Variants in EIF4B observed in about 807,000 individuals in gnomAD.
The protein encoded by EIF4B is eukaryotic translation initiation factor 4B.
Under a neutral mutation model 79.3 loss-of-function variants are expected in EIF4B, and 8 were observed. That is an observed-to-expected ratio of 0.10 (90% CI 0.06 to 0.18). The LOEUF (loss-of-function observed/expected upper bound fraction) is 0.18, where lower values mean the gene tolerates loss of function less well. Among genes scored for constraint, EIF4B ranks in the 10% least tolerant of loss-of-function variants. The pLI, the probability that EIF4B is intolerant of heterozygous loss-of-function variation, is 1.00. For synonymous variants in EIF4B, 238 were observed against 274.7 expected (o/e 0.87, Z 1.32); for missense variants, 515 against 792.4 (o/e 0.65, Z 4.20).
intron 12 of EIF4B, chr12:53,039,015 A>G (rs774044907): frequency 1.4e-5 from 6 of 429,864 alleles, no homozygotes; most frequent in Non-Finnish European, 2.5e-5. Context: ...ATGATGGCAT[A>G]TCCCTACATG....
chr12:53,035,202 G>T (rs1470852728), intron 10 of EIF4B, among the ~76,000 whole-genome samples: 2 of 150,806 alleles, frequency 1.3e-5, no homozygotes, highest in Non-Finnish European at 3.0e-5. Context: ...ACCATGATGT[G>T]TTTTTTTTGT....
rs762173035 is a variant in EIF4B at position 53,038,383 on chromosome 12, A to G, written c.1548A>G (p.Gln516=). Reference sequence around the variant, plus strand: ...GTGGGGGAAAAGTAGCTCCAGCTCAACCATCTGAGGAAGGACCAGGAAGGA... The same window carrying G: ...GTGGGGGAAAAGTAGCTCCAGCTCAGCCATCTGAGGAAGGACCAGGAAGGA... ...TSGGGKVAPA[Q]PSEEGPGRKD... Residue 516 remains glutamine (Q), a synonymous_variant, in exon 12 of 15, where the codon CAA becomes CAG. Transcript: ENST00000262056. 1.2e-6 allele frequency: 2 copies of G among 1,602,148 alleles called. No individual in the cohort carries two copies. The highest frequency in any genetic ancestry group is 1.7e-4 in the Middle Eastern group (1 of 6,036).
At chr12:53,035,554 G>A (rs929001442) in intron 10 of EIF4B, among the ~76,000 whole-genome samples, 3 of 151,806 alleles carry the variant, frequency 2.0e-5, no homozygotes, top group Non-Finnish European at 4.4e-5. Flanking sequence ...ATTTTTAGTA[G>A]AGATGGGGTT....
chr12:53,007,572 TAATGGGCTTA>T (rs930151470), intron 1 of EIF4B, among the ~76,000 whole-genome samples: 9 of 152,112 alleles, frequency 5.9e-5, no homozygotes, highest in African/African-American at 2.2e-4. Flanking sequence ...ATTACATTTC[TAATGGGCTTA>T]TAAAAGCAGT....
intron 8 of EIF4B, among the ~76,000 whole-genome samples, chr12:53,031,932 G>T (rs1365532175): frequency 6.6e-6 from 1 of 152,104 alleles, no homozygotes; most frequent in Non-Finnish European, 1.5e-5. Flanking sequence ...TATATTCTCT[G>T]TATCTTTTGT....
chr12:53,011,921 T>C (rs1038437489), intron 1 of EIF4B, among the ~76,000 whole-genome samples: 2 of 152,224 alleles, frequency 1.3e-5, no homozygotes, highest in Non-Finnish European at 2.9e-5. Flanking sequence ...AATTAAAGAA[T>C]TGGACCAGTT....
At chr12:53,022,942 T>C (rs752800301) in intron 6 of EIF4B, among the ~76,000 whole-genome samples, 45 of 152,208 alleles carry the variant, frequency 3.0e-4, no homozygotes, top group Non-Finnish European at 5.4e-4. Context: ...GGCAGGTGGA[T>C]TGCTTAAGGC....
intron 8 of EIF4B, among the ~76,000 whole-genome samples, chr12:53,028,403 G>A (rs796842498): frequency 1.5e-4 from 23 of 151,986 alleles, no homozygotes; most frequent in Middle Eastern, 6.8e-3. Flanking sequence ...GTGAAACCCC[G>A]TCTCTACCAG....
chr12:53,020,848 C>G (rs1292206590), intron 4 of EIF4B, among the ~76,000 whole-genome samples: 2 of 152,094 alleles, frequency 1.3e-5, no homozygotes, highest in Non-Finnish European at 2.9e-5. Context: ...CAGAGTTACT[C>G]TTACTGGATT....
chr12:53,032,672 T>G (rs971674759), intron 8 of EIF4B, among the ~76,000 whole-genome samples: 3 of 150,942 alleles, frequency 2.0e-5, no homozygotes, highest in African/African-American at 2.4e-5. Context: ...TTTTTTTGTT[T>G]TTTTTTTTTT....
At chr12:53,007,858 T>C (rs1165564412) in intron 1 of EIF4B, among the ~76,000 whole-genome samples, 3 of 152,224 alleles carry the variant, frequency 2.0e-5, no homozygotes, top group African/African-American at 7.2e-5. Flanking sequence ...TGTTGTCTCC[T>C]TCCATCCTGA....
At chr12:53,022,698 T>C in intron 6 of EIF4B, 71 bp downstream of exon 6, 9 of 1,537,814 alleles carry the variant, frequency 5.9e-6, no homozygotes, top group Non-Finnish European at 7.9e-6. Flanking sequence ...ACAAATGTGT[T>C]ACAGATGATC....
At chr12:53,019,120 C>T (rs932626803) in intron 3 of EIF4B, 114 bp downstream of exon 3, 29 of 1,283,354 alleles carry the variant, frequency 2.3e-5, no homozygotes, top group African/African-American at 1.3e-4. Context: ...AATTTAAGGC[C>T]GGGAATGGTG....
At position 53,040,697 on chromosome 12, in the gene EIF4B, A is replaced by G. The variant is rs1342264255; in HGVS notation, c.*474A>G. 1 of 152,768 alleles carries G rather than the reference A, an allele frequency of 6.5e-6. No homozygotes were observed. Among genetic ancestry groups the G allele is most frequent in the African/African-American group, 2.4e-5 (1 of 41,440 alleles). 9.5% of individuals were successfully genotyped at this position (152,768 alleles called of 1,614,324 possible). A position where few individuals can be genotyped will look rare whatever the true frequency, so the allele number is the denominator to read the frequency against. On this transcript the variant is annotated 3_prime_UTR_variant, in exon 15 of 15. Coordinates refer to ENST00000262056, the MANE Select transcript of EIF4B (RefSeq NM_001417.7). ...AAATTTTCCACTCTTGGAAAGGTAG[A>G]TTTAGCCTCAAGTTGTTCTAGTCTC...
intron 8 of EIF4B, among the ~76,000 whole-genome samples, chr12:53,030,413 C>CTTTTTTTTTTTTTTTTTGTTTTTT (rs1943416493): frequency 2.3e-5 from 1 of 43,066 alleles, no homozygotes; most frequent in Non-Finnish European, 5.9e-5. Flanking sequence ...AAATTATATT[C>CTTTTTTTTTTTTTTTTTGTTTTTT]TTTTTTTTTT....
intron 6 of EIF4B, among the ~76,000 whole-genome samples, chr12:53,026,108 A>G (rs1943329701): frequency 8.5e-5 from 13 of 152,230 alleles, no homozygotes; most frequent in Admixed American, 7.9e-4. Flanking sequence ...TCAAAAAAAA[A>G]AGAGAAAGAA....
intron 3 of EIF4B, among the ~76,000 whole-genome samples, chr12:53,019,450 C>CTTTTTTTTCTTTTTTTTTTTTTTTTT (rs1943208629): frequency 1.5e-5 from 1 of 65,998 alleles, no homozygotes; most frequent in Non-Finnish European, 3.1e-5. Flanking sequence ...TTTTTTTTTT[C>CTTTTTTTTCTTTTTTTTTTTTTTTTT]TTTTTTTTTT....
chr12:53,007,588 G>A (rs1942990566), intron 1 of EIF4B, among the ~76,000 whole-genome samples: 1 of 152,094 alleles, frequency 6.6e-6, no homozygotes, highest in Admixed American at 6.6e-5. Context: ...GCTTATAAAA[G>A]CAGTGATGAC....
intron 2 of EIF4B, among the ~76,000 whole-genome samples, chr12:53,017,454 G>A (rs959333246): frequency 6.6e-6 from 1 of 152,056 alleles, no homozygotes; most frequent in African/African-American, 2.4e-5. Flanking sequence ...GTGCCTTCAG[G>A]GAGTCGCCAG....
Sources: gnomAD v4.1 joint callset for allele counts (sites outside exome capture counted in the v4.1 genomes callset) on GRCh38, gnomAD v4.1.1 for gene constraint, MANE v1.5 for transcripts, NCBI Gene and HGNC (gene_info 2026-07-23, HGNC 2026-07-21) for gene names.